Variants in CNTN4 observed in about 807,000 individuals in gnomAD.
CNTN4 encodes contactin 4.
Under a neutral mutation model 122.5 loss-of-function variants are expected in CNTN4, and 77 were observed. The observed-to-expected ratio is 0.63, with a 90% CI of 0.52 to 0.76. The LOEUF (loss-of-function observed/expected upper bound fraction) is 0.76, where lower values mean the gene tolerates loss of function less well. Among genes scored for constraint, CNTN4 ranks in the 30% least tolerant of loss-of-function variants. CNTN4 has a pLI of 0.00. For missense variants in CNTN4, 1,256 were observed against 1,259.1 expected, an observed-to-expected ratio of 1.00 and a Z score of 0.04; for synonymous variants, 512 against 447.0, an observed-to-expected ratio of 1.15 and a Z score of -1.83.
intron 4 of CNTN4, among the ~76,000 whole-genome samples, chr3:2,689,990 C>T (rs1393746461): frequency 6.6e-6 from 1 of 152,110 alleles, no homozygotes; most frequent in Non-Finnish European, 1.5e-5. Context: ...CTTCTCATCA[C>T]TTTCTATTTT....
chr3:2,507,005 T>A (rs1218613092), intron 3 of CNTN4, among the ~76,000 whole-genome samples: 4 of 152,212 alleles, frequency 2.6e-5, no homozygotes, highest in Non-Finnish European at 5.9e-5. Flanking sequence ...GCTTTTGAAC[T>A]AGCTCATTGT....
chr3:2,978,985 C>G (rs1385423691), intron 13 of CNTN4, among the ~76,000 whole-genome samples: 4 of 152,210 alleles, frequency 2.6e-5, no homozygotes, highest in Non-Finnish European at 5.9e-5. Context: ...ATACAGATGT[C>G]CTGCCTTAAG....
At chr3:2,131,470 G>A (rs1189935632) in intron 2 of CNTN4, among the ~76,000 whole-genome samples, 1 of 152,140 alleles carries the variant, frequency 6.6e-6, no homozygotes, top group Non-Finnish European at 1.5e-5. Flanking sequence ...ATTTCCATTA[G>A]AATAAATATA....
At chr3:2,599,041 GC>G (rs2080904043) in intron 4 of CNTN4, among the ~76,000 whole-genome samples, 1 of 152,148 alleles carries the variant, frequency 6.6e-6, no homozygotes, top group Non-Finnish European at 1.5e-5. Context: ...AGTATTGTGT[GC>G]TCAACATATA....
intron 2 of CNTN4, among the ~76,000 whole-genome samples, chr3:2,258,733 C>G (rs376393504): frequency 6.6e-6 from 1 of 152,070 alleles, no homozygotes; most frequent in African/African-American, 2.4e-5. Context: ...TTCACAGATA[C>G]TTTGAACTGG....
At chr3:2,395,546 C>T (rs1375382615) in intron 3 of CNTN4, among the ~76,000 whole-genome samples, 1 of 152,074 alleles carries the variant, frequency 6.6e-6, no homozygotes, top group Admixed American at 6.5e-5. Flanking sequence ...ATCTCATCAC[C>T]CACGCAGTGA....
chr3:2,684,288 A>G (rs1476369759), intron 4 of CNTN4, among the ~76,000 whole-genome samples: 1 of 152,316 alleles, frequency 6.6e-6, no homozygotes, highest in East Asian at 1.9e-4. Flanking sequence ...AGAGCTAAGA[A>G]GGCAGGGAGC....
intron 12 of CNTN4, among the ~76,000 whole-genome samples, chr3:2,910,724 TC>T (rs1037531559): frequency 5.9e-5 from 9 of 152,110 alleles, no homozygotes; most frequent in Non-Finnish European, 1.3e-4. Context: ...TAACTATTTT[TC>T]CCCCTCCACC....
At chr3:2,328,154 C>T (rs1236278566) in intron 2 of CNTN4, among the ~76,000 whole-genome samples, 5 of 152,146 alleles carry the variant, frequency 3.3e-5, no homozygotes, top group Non-Finnish European at 7.4e-5. Context: ...CGTGGTAATC[C>T]CAGCACTTTG....
At chr3:2,525,021 C>T (rs941044419) in intron 3 of CNTN4, among the ~76,000 whole-genome samples, 2 of 152,046 alleles carry the variant, frequency 1.3e-5, no homozygotes, top group Non-Finnish European at 2.9e-5. Context: ...CTGAAAGTGC[C>T]AATTAAGATA....
chr3:2,539,975 C>T (rs1453041424), intron 3 of CNTN4, among the ~76,000 whole-genome samples: 2 of 151,792 alleles, frequency 1.3e-5, no homozygotes, highest in African/African-American at 4.8e-5. Context: ...TCAATAATGA[C>T]ATTGAGAGAA....
In CNTN4 at chr3:2,925,790, G is replaced by C; in HGVS notation, c.1358+11G>C. 3.1e-6 allele frequency: 5 copies of C among 1,605,970 alleles called. No individual in the cohort carries two copies. The highest frequency in any genetic ancestry group is 4.3e-6 in the Non-Finnish European group (5 of 1,173,068). Reference sequence around the variant, plus strand: ...AAAAGAAAATGAAAGGTACTGTCTTGAATTATTTTCAATATTTGGTTAACC... The same window carrying C: ...AAAAGAAAATGAAAGGTACTGTCTTCAATTATTTTCAATATTTGGTTAACC... On this transcript the variant is annotated intron_variant, in intron 13 of 24. Transcript: ENST00000418658.
chr3:2,253,626 G>A (rs2149695774), intron 2 of CNTN4, among the ~76,000 whole-genome samples: 2 of 151,636 alleles, frequency 1.3e-5, no homozygotes, highest in South Asian at 4.2e-4. Context: ...GTCATATTGA[G>A]CCATGATTAC....
intron 4 of CNTN4, among the ~76,000 whole-genome samples, chr3:2,614,560 C>A (rs1021449681): frequency 6.6e-6 from 1 of 152,038 alleles, no homozygotes; most frequent in African/African-American, 2.4e-5. Context: ...TGAACAGATT[C>A]AGGATGTTTG....
In CNTN4 at chr3:2,409,060, G is replaced by A. The variant is rs112014133; in HGVS notation, c.-89+69827G>A. 9.1e-4 allele frequency among the ~76,000 whole-genome samples: 139 copies of A among 152,104 alleles called. 2 individuals are homozygous for A. In the Middle Eastern group the frequency reaches 0.031, roughly 33 times the overall value. On this transcript the variant is annotated intron_variant, in intron 3 of 24. Coordinates refer to ENST00000418658, the MANE Select transcript of CNTN4 (RefSeq NM_175607.3). The stretch of plus-strand genomic sequence containing the variant: ...TATCTTTTACATTTGCGTTGTTGAA[G>A]GAAGATGAACAATAGCTGTGTCTCT...
chr3:2,160,624 A>G (rs952529764), intron 2 of CNTN4, among the ~76,000 whole-genome samples: 1 of 152,164 alleles, frequency 6.6e-6, no homozygotes, highest in Non-Finnish European at 1.5e-5. Context: ...TCTCATAATC[A>G]TCACTCTGAT....
At chr3:2,845,422 ATAAAT>A (rs1485564242) in intron 7 of CNTN4, among the ~76,000 whole-genome samples, 1 of 152,032 alleles carries the variant, frequency 6.6e-6, no homozygotes, top group Non-Finnish European at 1.5e-5. Flanking sequence ...TTGCCTAAAA[ATAAAT>A]TACTTTATTA....
intron 4 of CNTN4, among the ~76,000 whole-genome samples, chr3:2,634,135 T>C (rs1026277910): frequency 2.1e-4 from 32 of 152,230 alleles, no homozygotes; most frequent in African/African-American, 7.7e-4. Flanking sequence ...TGTATTAGTT[T>C]CACTACACAA....
Position 2,733,541 on chromosome 3 carries a change from T to TG in CNTN4, c.56-2674_56-2673insG, listed in dbSNP as rs1553623985. On this transcript the variant is annotated intron_variant, in intron 4 of 24. Transcript: ENST00000418658. ...TAAAGTGCATGTTTGTGTTTTTTTT[T>TG]TTTTTTTTTTGAGACAGAGTCTCAC... Among the ~76,000 whole-genome samples the TG allele has an allele frequency of 1.4e-3, 204 of 145,816 alleles. 3 individuals are homozygous for TG. The highest frequency in any genetic ancestry group is 2.0e-3 in the Non-Finnish European group (136 of 66,940).
Sources: allele counts gnomAD v4.1 joint callset (sites outside exome capture counted in the v4.1 genomes callset), GRCh38; gene constraint gnomAD v4.1.1; transcripts MANE v1.5; gene names NCBI Gene and HGNC (gene_info 2026-07-23, HGNC 2026-07-21).